Variants in DGCR2 observed in about 807,000 individuals in gnomAD.
DGCR2 encodes integral membrane protein DGCR2/IDD.
A neutral mutation model predicts 51.6 loss-of-function variants in DGCR2; 24 were observed. That is an observed-to-expected ratio of 0.47 (90% CI 0.34 to 0.65). The LOEUF is 0.65. DGCR2 is among the 30% of genes least tolerant of loss of function. DGCR2 has a pLI of 0.01. For missense variants in DGCR2, 765 were observed against 772.1 expected (o/e 0.99, Z 0.11); for synonymous variants, 340 against 315.4 (o/e 1.08, Z -0.82).
At chr22:19,042,515 T>C (rs2082444067) in intron 7 of DGCR2, among the ~76,000 whole-genome samples, 8 of 152,176 alleles carry the variant, frequency 5.3e-5, no homozygotes, top group Admixed American at 5.2e-4. Flanking sequence ...GTTGGCCAGG[T>C]AGGCAGGGGT....
intron 1 of DGCR2, among the ~76,000 whole-genome samples, chr22:19,113,383 A>T (rs5993538): frequency 3.1e-5 from 2 of 64,086 alleles, no homozygotes; most frequent in African/African-American, 2.0e-4. Context: ...AAATAAAAAT[A>T]AAAAAAAAAA....
At chr22:19,066,429 C>CA (rs1448064765) in intron 3 of DGCR2, among the ~76,000 whole-genome samples, 11 of 150,142 alleles carry the variant, frequency 7.3e-5, no homozygotes, top group South Asian at 2.1e-4. Context: ...AAAAAACAAA[C>CA]AAACAAAAAA....
At chr22:19,084,310 T>C (rs993045396) in intron 2 of DGCR2, among the ~76,000 whole-genome samples, 5 of 149,342 alleles carry the variant, frequency 3.3e-5, no homozygotes, top group Admixed American at 2.7e-4. Context: ...ATCTGAGATA[T>C]GGGGAGCGCC....
intron 3 of DGCR2, among the ~76,000 whole-genome samples, chr22:19,066,643 C>A (rs1427779360): frequency 1.3e-5 from 2 of 152,152 alleles, no homozygotes; most frequent in Admixed American, 6.5e-5. Flanking sequence ...TGAGAGGAAG[C>A]CCTGTAGGGA....
rs538768629 is a variant in DGCR2, at chr22:19,122,271, G to A, written c.-65C>T. On this transcript the variant is annotated 5_prime_UTR_variant, in exon 1 of 10. Coordinates refer to ENST00000263196, the MANE Select transcript of DGCR2 (RefSeq NM_005137.3). Reference sequence around the variant, plus strand: ...GGACCAGGCCGGACTGAGGGTCAGGGGACCGTGCCAAGCGGAGGGTCAGGC... The same window carrying A: ...GGACCAGGCCGGACTGAGGGTCAGGAGACCGTGCCAAGCGGAGGGTCAGGC... 6.0e-6 allele frequency: 8 copies of A among 1,330,650 alleles called. No homozygotes were observed. The Admixed American group carries it at 1.4e-4, about 23-fold the overall frequency. The allele number at this position is 1,330,650 out of a possible 1,614,324, so 82.4% of individuals were successfully genotyped here.
chr22:19,063,858 G>C lies in DGCR2; in HGVS notation c.549-580C>G, dbSNP rs118059232. ...CCCATGAATACAACTCGGTGACTAT[G>C]CTAAAACCATAGGACAGGGCACTCC... On this transcript the variant is annotated intron_variant, in intron 4 of 9. Transcript: ENST00000263196. 9.5e-3 allele frequency among the ~76,000 whole-genome samples: 1,441 copies of C among 152,264 alleles called. 11 individuals are homozygous for C. Among genetic ancestry groups the C allele is most frequent in the Non-Finnish European group, 0.016 (1,072 of 67,998 alleles).
chr22:19,083,073 C>A (rs1313994015), intron 2 of DGCR2, among the ~76,000 whole-genome samples: 35 of 148,702 alleles, frequency 2.4e-4, no homozygotes, highest in African/African-American at 7.1e-4. Context: ...GGTGACAGAG[C>A]CAGACCTTGT....
At chr22:19,068,541 C>T (rs2082776849) in intron 2 of DGCR2, among the ~76,000 whole-genome samples, 1 of 152,230 alleles carries the variant, frequency 6.6e-6, no homozygotes, top group Non-Finnish European at 1.5e-5. Context: ...AATTAAAATC[C>T]CTCAGCAGTT....
intron 7 of DGCR2, chr22:19,048,057 G>C (rs1334598220): frequency 7.4e-6 from 2 of 269,188 alleles, no homozygotes; most frequent in African/African-American, 4.4e-5. Context: ...GCCAGGCATG[G>C]TGGCATGCGC....
chr22:19,048,043 A>T lies in DGCR2; in HGVS notation c.1006+397T>A, dbSNP rs539553276. ...CCCCGTCTCTACTAAAAATACAAAA[A>T]CTAGCCAGGCATGGTGGCATGCGCC... On this transcript the variant is annotated intron_variant, in intron 7 of 9. Coordinates refer to ENST00000263196, the MANE Select transcript of DGCR2 (RefSeq NM_005137.3). 1.6e-5 allele frequency: 4 copies of T among 254,908 alleles called. No individual in the cohort carries two copies. In the East Asian group the frequency reaches 4.1e-4, roughly 26 times the overall value. The allele number at this position is 254,908 out of a possible 1,614,324, so 15.8% of individuals were successfully genotyped here.
At chr22:19,119,629 G>A (rs556100123) in intron 1 of DGCR2, among the ~76,000 whole-genome samples, 1 of 151,880 alleles carries the variant, frequency 6.6e-6, no homozygotes, top group Non-Finnish European at 1.5e-5. Flanking sequence ...CCAGCTACTC[G>A]GGAGGCTGAG....
At chr22:19,048,741 G>A in intron 6 of DGCR2, 98 bp from the exon 7 acceptor site, 2 of 1,233,966 alleles carry the variant, frequency 1.6e-6, no homozygotes, top group East Asian at 2.4e-5. Flanking sequence ...CTCCCCGTGT[G>A]GGCCTGTGAA....
rs1012492967 is a variant in DGCR2 at position 19,122,275 on chromosome 22, C to A, written c.-69G>T. ...CAGGCCGGACTGAGGGTCAGGGGAC[C>A]GTGCCAAGCGGAGGGTCAGGCGGAG... On this transcript the variant is annotated 5_prime_UTR_variant, in exon 1 of 10. Transcript: ENST00000263196. The A allele has an allele frequency of 9.2e-6, 12 of 1,306,936 alleles. No individual in the cohort carries two copies. The highest frequency in any genetic ancestry group is 2.9e-5 in the Admixed American group (1 of 34,058). The allele number at this position is 1,306,936 out of a possible 1,614,324, so 81.0% of individuals were successfully genotyped here.
rs111991261 is a variant in DGCR2, at chr22:19,062,345, T to C, written c.625+857A>G. Among the ~76,000 whole-genome samples, 721 of 152,234 alleles carry C rather than the reference T, an allele frequency of 4.7e-3. 3 individuals carry two copies. Among genetic ancestry groups the C allele is most frequent in the Non-Finnish European group, 8.0e-3 (544 of 68,008 alleles). ...CCTGCCCTGTCCCAGCAGCCAGGCA[T>C]GGCCCCGCCTCTGTGGGGCCCTCTT... On this transcript the variant is annotated intron_variant, in intron 5 of 9. Transcript: ENST00000263196.
At chr22:19,089,566 A>G (rs2083056166) in intron 1 of DGCR2, 76 bp from the exon 2 acceptor site, 3 of 1,362,800 alleles carry the variant, frequency 2.2e-6, no homozygotes, top group Non-Finnish European at 2.9e-6. Context: ...GGCTGGATCA[A>G]TCTCTTCCCA....
At chr22:19,062,414 C>T (rs2082674373) in intron 5 of DGCR2, among the ~76,000 whole-genome samples, 1 of 152,214 alleles carries the variant, frequency 6.6e-6, no homozygotes. Flanking sequence ...CCTTTTCAAC[C>T]CTGTCCCCAG....
rs1381806649 is a variant in DGCR2 at position 19,048,460 on chromosome 22, T to G, written c.986A>C (p.Lys329Thr). ...QYRKDPKECC[K>T]FMCLDPDGNS... ...CTCACCTGGGTCCAGACACATGAAC[T>G]TGCAGCACTCTTTGGGGTCCTTGCG... The change falls in exon 7 of 10, where the codon AAG becomes ACG. Residue 329 changes from lysine (K) to threonine (T), a missense_variant. By Grantham distance (78) the Lys-to-Thr change is moderately conservative (BLOSUM62 -1). This residue lies in a region of DGCR2 where 190 missense variants were observed against 265.2 expected (regional missense o/e 0.72). Transcript: ENST00000263196. 1.2e-6 allele frequency: 2 copies of G among 1,614,202 alleles called. No homozygotes were observed. The highest frequency in any genetic ancestry group is 8.5e-7 in the Non-Finnish European group (1 of 1,180,040).
chr22:19,046,723 G>C (rs2082493739), intron 7 of DGCR2: 1 of 436,042 alleles, frequency 2.3e-6, no homozygotes, highest in Non-Finnish European at 4.7e-6. Context: ...CATGGCCACA[G>C]GGCAGGCAGA....
intron 6 of DGCR2, among the ~76,000 whole-genome samples, chr22:19,049,471 G>A (rs2082525778): frequency 6.6e-6 from 1 of 152,134 alleles, no homozygotes; most frequent in African/African-American, 2.4e-5. Flanking sequence ...TCCAAATGGG[G>A]TAAGGATGTC....
Sources: allele counts gnomAD v4.1 joint callset (sites outside exome capture counted in the v4.1 genomes callset), GRCh38; gene constraint gnomAD v4.1.1; regional missense constraint gnomAD v4.1.1; transcripts MANE v1.5; gene names NCBI Gene and HGNC (gene_info 2026-07-23, HGNC 2026-07-21).